The following FAT1 variants were observed in gnomAD, a reference collection of about 807,000 sequenced individuals.
The protein encoded by FAT1 is FAT atypical cadherin 1.
A neutral mutation model predicts 329.8 loss-of-function variants in FAT1; 171 were observed. The observed-to-expected ratio is 0.52, with a 90% CI of 0.46 to 0.59. The LOEUF (loss-of-function observed/expected upper bound fraction) is 0.59. FAT1 is among the 20% of genes least tolerant of loss of function. The probability of loss-of-function intolerance (pLI) is 0.00; values close to 1 mark genes in which losing one functional copy is unlikely to be tolerated. For synonymous variants in FAT1, 2,233 were observed against 2,228.6 expected, an observed-to-expected ratio of 1.00 and a Z score of -0.06; for missense variants, 5,672 against 5,774.4, an observed-to-expected ratio of 0.98 and a Z score of 0.57.
rs151044850 is a variant in FAT1, at chr4:186,707,613, T to C, written c.2215A>G (p.Met739Val). Residue 739 changes from methionine to valine, a missense_variant, in exon 2 of 27, where the codon ATG (methionine) becomes GTG (valine). Met to Val is a conservative substitution (Grantham distance 21, BLOSUM62 1). Transcript: ENST00000441802. Reference sequence around the variant, plus strand: ...CCAGTGTCAAGGTCAGTGGAGTTCATGAAAATTACACTGGAACCCACAGGC... The same window carrying C: ...CCAGTGTCAAGGTCAGTGGAGTTCACGAAAATTACACTGGAACCCACAGGC... ...NQPVGSSVIF[M>V]NSTDLDTGFN... 3.4e-5 allele frequency: 55 copies of C among 1,614,018 alleles called. 1 individual carries two copies. The East Asian group carries it at 1.2e-3, about 35-fold the overall frequency.
At chr4:186,718,674 T>A (rs190928044) in intron 1 of FAT1, among the ~76,000 whole-genome samples, 1 of 152,064 alleles carries the variant, frequency 6.6e-6, no homozygotes, top group African/African-American at 2.4e-5. Context: ...CTCAAAAAAA[T>A]AAAATAAAAT....
At chr4:186,717,478 C>T (rs1312944843) in intron 1 of FAT1, among the ~76,000 whole-genome samples, 4 of 152,182 alleles carry the variant, frequency 2.6e-5, no homozygotes, top group African/African-American at 4.8e-5. Context: ...TTCACATGAT[C>T]AACCACCGGT....
At chr4:186,679,058 A>G (rs1407351042) in intron 2 of FAT1, among the ~76,000 whole-genome samples, 1 of 152,082 alleles carries the variant, frequency 6.6e-6, no homozygotes, top group Non-Finnish European at 1.5e-5. Context: ...CAGTGATTGG[A>G]ACAGTAAAAG....
In FAT1 at chr4:186,645,945, C is replaced by CAAAA. The variant is rs773581100; in HGVS notation, c.3581-6166_3581-6163dup. ...TAGGTTACAGAGTGAGACTGTCTCA[C>CAAAA]AAAAAAAAAAAAAAAAAATATATAC... On this transcript the variant is annotated intron_variant, in intron 3 of 26. Transcript: ENST00000441802. Among the ~76,000 whole-genome samples the CAAAA allele has an allele frequency of 5.0e-3, 289 of 58,204 alleles. 9 individuals carry two copies. Among genetic ancestry groups the CAAAA allele is most frequent in the African/African-American group, 0.018 (282 of 15,584 alleles). The allele number at this position is 58,204 out of a possible 152,430, so 38.2% of individuals were successfully genotyped here. A position where few individuals can be genotyped will look rare whatever the true frequency, so the allele number is the denominator to read the frequency against.
chr4:186,720,819 G>A (rs1192581916), intron 1 of FAT1, among the ~76,000 whole-genome samples: 1 of 152,230 alleles, frequency 6.6e-6, no homozygotes, highest in Non-Finnish European at 1.5e-5. Flanking sequence ...TTAAGAGTGA[G>A]AAATGTGAGG....
intron 3 of FAT1, among the ~76,000 whole-genome samples, chr4:186,660,041 CCA>C (rs1450840846): frequency 6.6e-6 from 1 of 152,216 alleles, no homozygotes; most frequent in East Asian, 1.9e-4. Context: ...CCCCAAGATC[CCA>C]GAGGGAAGGC....
rs1742793460 is a variant in FAT1, at chr4:186,672,804, G to C, written c.3266-9191C>G. Reference sequence around the variant, plus strand: ...TGCTAAATGTTTGGAGTCCCTGCCTGTCCTTCAATTGGAGGGAAGATTAAG... The same window carrying C: ...TGCTAAATGTTTGGAGTCCCTGCCTCTCCTTCAATTGGAGGGAAGATTAAG... On this transcript the variant is annotated intron_variant, in intron 2 of 26. Transcript: ENST00000441802. 2.0e-5 allele frequency among the ~76,000 whole-genome samples: 3 copies of C among 152,154 alleles called. No homozygotes were observed. In the South Asian group the frequency reaches 6.2e-4, roughly 32 times the overall value.
At chr4:186,719,444 A>C (rs1205226218) in intron 1 of FAT1, among the ~76,000 whole-genome samples, 1 of 152,212 alleles carries the variant, frequency 6.6e-6, no homozygotes, top group Non-Finnish European at 1.5e-5. Context: ...ATAAAATCCC[A>C]AACCTCCCTT....
chr4:186,691,046 T>C (rs1222825506), intron 2 of FAT1, among the ~76,000 whole-genome samples: 1 of 152,200 alleles, frequency 6.6e-6, no homozygotes, highest in Non-Finnish European at 1.5e-5. Flanking sequence ...TTTGACCTGT[T>C]ATACTAATTC....
At chr4:186,590,470 AAAGGT>A in intron 26 of FAT1, 1 of 1,101,812 alleles carries the variant, frequency 9.1e-7, no homozygotes, top group Non-Finnish European at 1.2e-6. Flanking sequence ...AAAAGGCAAT[AAAGGT>A]AAGTACACAG....
chr4:186,595,651 C>T (rs1738463673), intron 26 of FAT1, 38 bp downstream of exon 26: 1 of 1,609,062 alleles, frequency 6.2e-7, no homozygotes, highest in Non-Finnish European at 8.5e-7. Flanking sequence ...ACACAACAAG[C>T]AAGCAAAGCG....
intron 2 of FAT1, among the ~76,000 whole-genome samples, chr4:186,705,852 T>C (rs561670625): frequency 3.9e-5 from 6 of 152,316 alleles, no homozygotes; most frequent in Admixed American, 3.9e-4. Flanking sequence ...CGTCAGGAGT[T>C]TTCCCGTGTT....
chr4:186,692,233 G>A (rs774128043), intron 2 of FAT1, among the ~76,000 whole-genome samples: 3 of 152,140 alleles, frequency 2.0e-5, no homozygotes, highest in Non-Finnish European at 2.9e-5. Context: ...TTGCACATAC[G>A]TCCCGTAACA....
rs2126689882 is a variant in FAT1 at position 186,707,594 on chromosome 4, T to C, written c.2234A>G (p.Asp745Gly). 1 of 1,614,022 alleles carries C rather than the reference T, an allele frequency of 6.2e-7. No individual in the cohort carries two copies. The highest frequency in any genetic ancestry group is 8.5e-7 in the Non-Finnish European group (1 of 1,179,894). The change falls in exon 2 of 27, where the codon GAC (aspartate) becomes GGC (glycine). Residue 745 changes from aspartate (D) to glycine (G), a missense_variant. Physicochemically the swap from Asp to Gly is moderately conservative, Grantham distance 94. This residue lies in a region of FAT1 where 3,966 missense variants were observed against 3,915.2 expected (regional missense o/e 1.01). Coordinates refer to ENST00000441802, the MANE Select transcript of FAT1 (RefSeq NM_005245.4). ...GACCAGTTTTCCATTGAAGCCAGTG[T>C]CAAGGTCAGTGGAGTTCATGAAAAT... is the stretch of plus-strand genomic sequence containing the variant. ...SVIFMNSTDL[D>G]TGFNGKLVYA...
rs1187121801 is a variant in FAT1 at position 186,611,590 on chromosome 4, T to C, written c.9649A>G (p.Ile3217Val). The change falls in exon 14 of 27, where the codon ATT (isoleucine) becomes GTT (valine). Residue 3217 changes from isoleucine to valine, a missense_variant. Physicochemically the swap from Ile to Val is conservative, Grantham distance 29. Transcript: ENST00000441802. ...TCATTTATGTCAAGAACTGATACAATCACAGTGCCAGTGGCAGTCAGCCTC... is the reference window on the plus strand; with the variant it reads ...TCATTTATGTCAAGAACTGATACAACCACAGTGCCAGTGGCAGTCAGCCTC... ...PRRLTATGTV[I>V]VSVLDINDNP... is the part of the protein sequence containing the mutation. 6.2e-7 allele frequency: 1 copy of C among 1,613,794 alleles called. No individual in the cohort carries two copies. Among genetic ancestry groups the C allele is most frequent in the Non-Finnish European group, 8.5e-7 (1 of 1,179,798 alleles).
chr4:186,597,953 T>C lies in FAT1; in HGVS notation c.12257+19A>G. On this transcript the variant is annotated intron_variant, in intron 23 of 26. Transcript: ENST00000441802. ...TTTATACTACAATTGATTATGAAAG[T>C]TAAGAAAAATACACATACCTCTGAC... 2 of 1,589,352 alleles carry C rather than the reference T, an allele frequency of 1.3e-6. No individual in the cohort carries two copies. Among genetic ancestry groups the C allele is most frequent in the Non-Finnish European group, 1.7e-6 (2 of 1,170,364 alleles).
In FAT1 at chr4:186,633,812, C is replaced by T. The variant is rs774134398; in HGVS notation, c.4195G>A (p.Asp1399Asn). 14 of 1,613,718 alleles carry T rather than the reference C, an allele frequency of 8.7e-6. No homozygotes were observed. The highest frequency in any genetic ancestry group is 5.0e-5 in the Admixed American group (3 of 59,984). The change falls in exon 7 of 27, where the codon GAC (aspartate) becomes AAC (asparagine). Residue 1399 changes from aspartate (D) to asparagine (N), a missense_variant. Physicochemically the swap from Asp to Asn is conservative, Grantham distance 23 (BLOSUM62 1). Transcript: ENST00000441802. ...LWFDITGGNY[D>N]SHFDVDKGTG... ...CCCTTGTCCACATCGAAGTGACTGT[C>T]GTAGTTGCCACCTAATTTGGGGAAA...
At position 186,597,000 on chromosome 4, in the gene FAT1, C is replaced by T. The variant is rs369440829; in HGVS notation, c.12540G>A (p.Ala4180=). The T allele has an allele frequency of 2.6e-5, 42 of 1,613,984 alleles. No individual in the cohort carries two copies. In the African/African-American group the frequency reaches 4.1e-4, roughly 16 times the overall value. The change falls in exon 25 of 27, where the codon GCG becomes GCA. Residue 4180 remains alanine, a synonymous_variant. Transcript: ENST00000441802. This position sits in a 1 kb window ranked among gnomAD's most constrained non-coding sequence, Gnocchi z 4.7. ...CAAACACAACGATTCCAATTCCTTC[C>T]GCCAACCCAATGTTCCACGGCGTGG... ...YVSTPWNIGL[A]EGIGIVVFVA...
intron 2 of FAT1, among the ~76,000 whole-genome samples, chr4:186,685,262 G>A (rs781549069): frequency 2.6e-5 from 4 of 152,172 alleles, no homozygotes; most frequent in Admixed American, 6.5e-5. Context: ...AAGCTGTAAC[G>A]AAACATTTCT....
Sources: gnomAD v4.1 joint callset for allele counts (sites outside exome capture counted in the v4.1 genomes callset) on GRCh38, gnomAD v4.1.1 for gene constraint, gnomAD v4.1.1 regional missense constraint, Gnocchi (gnomAD v3.1) non-coding constraint, MANE v1.5 for transcripts, NCBI Gene and HGNC (gene_info 2026-07-23, HGNC 2026-07-21) for gene names.